The following USB1 variants were observed in gnomAD, a reference collection of about 807,000 sequenced individuals.
USB1 encodes U6 snRNA phosphodiesterase 1.
USB1 carries 21 observed loss-of-function variants against 29.9 expected under a neutral mutation model. The observed-to-expected ratio is 0.70, with a 90% CI of 0.50 to 1.01. The LOEUF is 1.01. USB1 is among the 50% of genes least tolerant of loss of function. The pLI, the probability that USB1 is intolerant of heterozygous loss-of-function variation, is 0.00. For missense variants in USB1, 330 were observed against 347.1 expected, an observed-to-expected ratio of 0.95 and a Z score of 0.39; for synonymous variants, 143 against 134.9, an observed-to-expected ratio of 1.06 and a Z score of -0.42.
chr16:58,010,904 A>G, intron 3 of USB1: 1 of 680,032 alleles, frequency 1.5e-6, no homozygotes, highest in Non-Finnish European at 2.7e-6. Context: ...GCTTCATCAC[A>G]TAGGCATGAT....
chr16:58,010,908 G>C (rs1597050105), intron 3 of USB1: 1 of 687,546 alleles, frequency 1.5e-6, no homozygotes, highest in East Asian at 2.7e-5. Flanking sequence ...CATCACATAG[G>C]CATGATGGAT....
At chr16:58,014,445 T>A in intron 4 of USB1, 119 bp downstream of exon 4, 1 of 857,298 alleles carries the variant, frequency 1.2e-6, no homozygotes, top group Non-Finnish European at 1.9e-6. Flanking sequence ...ACTCTATGAC[T>A]ATAAAGGCAG....
chr16:58,012,023 C>A lies in USB1; in HGVS notation c.449+1911C>A. On this transcript the variant is annotated intron_variant, in intron 3 of 6. Coordinates refer to ENST00000219281, the MANE Select transcript of USB1 (RefSeq NM_024598.4). Reference sequence around the variant, plus strand: ...TTCAAATGAGGTGTTGCACAAAAGCCTGATGTGTGGCTGTGTAAAACAGAA... The same window carrying A: ...TTCAAATGAGGTGTTGCACAAAAGCATGATGTGTGGCTGTGTAAAACAGAA... 2.5e-6 allele frequency: 3 copies of A among 1,198,726 alleles called. No homozygotes were observed. The South Asian group carries it at 1.0e-4, about 41-fold the overall frequency. 74.3% of individuals were successfully genotyped at this position (1,198,726 alleles called of 1,614,324 possible).
At chr16:58,011,934 A>T (rs1487322685) in intron 3 of USB1, 6 of 1,038,952 alleles carry the variant, frequency 5.8e-6, no homozygotes, top group Non-Finnish European at 6.9e-6. Flanking sequence ...TTGATACTAG[A>T]AGGAGCCTAA....
Position 58,010,905 on chromosome 16 carries a change from T to A in USB1, c.449+793T>A, listed in dbSNP as rs543560525. 1.2e-4 allele frequency: 84 copies of A among 680,176 alleles called. 3 individuals are homozygous for A. In the South Asian group the frequency reaches 1.3e-3, roughly 10 times the overall value. The allele number at this position is 680,176 out of a possible 1,614,324, so 42.1% of individuals were successfully genotyped here. A position where few individuals can be genotyped will look rare whatever the true frequency, so the allele number is the denominator to read the frequency against. Reference sequence around the variant, plus strand: ...AAATTTTTACGGAGGCTTCATCACATAGGCATGATGGATTATTAACTCAGT... The same window carrying A: ...AAATTTTTACGGAGGCTTCATCACAAAGGCATGATGGATTATTAACTCAGT... On this transcript the variant is annotated intron_variant, in intron 3 of 6. Coordinates refer to ENST00000219281, the MANE Select transcript of USB1 (RefSeq NM_024598.4).
At chr16:58,002,271 C>A (rs962982609) in intron 1 of USB1, among the ~76,000 whole-genome samples, 1 of 152,088 alleles carries the variant, frequency 6.6e-6, no homozygotes, top group Non-Finnish European at 1.5e-5. Flanking sequence ...CTGTTGTTTC[C>A]CATGGGGACC....
intron 3 of USB1, chr16:58,012,892 ACT>A: frequency 1.0e-6 from 1 of 986,402 alleles, no homozygotes; most frequent in Non-Finnish European, 1.2e-6. Flanking sequence ...ACTTAGGAAA[ACT>A]CTGCCTAAAG....
rs1442075150 is a variant in USB1 at position 58,020,284 on chromosome 16, C to G, written c.*39C>G. The G allele has an allele frequency of 1.1e-5, 17 of 1,597,042 alleles. 1 individual carries two copies. The South Asian group carries it at 1.9e-4, about 18-fold the overall frequency. On this transcript the variant is annotated 3_prime_UTR_variant, in exon 7 of 7. Coordinates refer to ENST00000219281, the MANE Select transcript of USB1 (RefSeq NM_024598.4). ...TCCTCCTCCAGGGCCCTCTGCAGAC[C>G]AGGCTGAGATGGAGGAACCTGCTAA...
At position 58,014,327 on chromosome 16, in the gene USB1, G is replaced by A; in HGVS notation, c.503+1G>A. The A allele has an allele frequency of 6.2e-7, 1 of 1,613,320 alleles. No homozygotes were observed. The highest frequency in any genetic ancestry group is 8.5e-7 in the Non-Finnish European group (1 of 1,179,370). ...TTTACACCAATCAAGAGAAAACCAG[G>A]TGGGTCCTCCCAACCCCCAATCACC... On this transcript the variant is annotated splice_donor_variant, in intron 4 of 6. Coordinates refer to ENST00000219281, the MANE Select transcript of USB1 (RefSeq NM_024598.4). LOFTEE classifies it high-confidence loss of function.
At chr16:58,010,231 C>CAGGAGAGGGGCCG in intron 3 of USB1, 119 bp downstream of exon 3, 1 of 1,260,972 alleles carries the variant, frequency 7.9e-7, no homozygotes, top group Non-Finnish European at 1.1e-6. Flanking sequence ...AACACGGCCC[C>CAGGAGAGGGGCCG]TCTCCTGGGG....
Position 58,017,337 on chromosome 16 carries a change from C to G in USB1, c.507C>G (p.Thr169=), listed in dbSNP as rs981422316. 6.2e-7 allele frequency: 1 copy of G among 1,614,106 alleles called. No individual in the cohort carries two copies. Among genetic ancestry groups the G allele is most frequent in the Non-Finnish European group, 8.5e-7 (1 of 1,179,970 alleles). Residue 169 remains threonine (T), a synonymous_variant, in exon 5 of 7, where the codon ACC becomes ACG. Coordinates refer to ENST00000219281, the MANE Select transcript of USB1 (RefSeq NM_024598.4). ...KIYTNQEKTR[T]FIGLEVTSGH... The stretch of plus-strand genomic sequence containing the variant: ...TGCGTTGTCTTCCTCTCCCCAGGAC[C>G]TTTATTGGGCTTGAGGTCACTTCAG...
chr16:58,001,298 A>C (rs1272277022), upstream of USB1: 1 of 701,848 alleles, frequency 1.4e-6, no homozygotes, highest in East Asian at 2.7e-5. Context: ...CGCAGCCGGC[A>C]GACAGCTTGG....
At position 58,013,637 on chromosome 16, in the gene USB1, A is replaced by G. The variant is rs2142307842; in HGVS notation, c.450-636A>G. 2.0e-6 allele frequency: 2 copies of G among 986,198 alleles called. No homozygotes were observed. The highest frequency in any genetic ancestry group is 4.7e-5 in the South Asian group (1 of 21,360). 61.1% of individuals were successfully genotyped at this position (986,198 alleles called of 1,614,324 possible). ...GTGGGGGCATCTGTCTCGATTTCAC[A>G]CCAACAGACCTATTCCCCTCACGAA... On this transcript the variant is annotated intron_variant, in intron 3 of 6. Transcript: ENST00000219281. The surrounding 1 kb of genome is among the most constrained non-coding windows in gnomAD (Gnocchi z 4.3).
upstream of USB1, among the ~76,000 whole-genome samples, chr16:58,000,841 C>T (rs1441789167): frequency 6.6e-6 from 1 of 152,044 alleles, no homozygotes; most frequent in Non-Finnish European, 1.5e-5. The surrounding 1 kb of genome is among the most constrained non-coding windows in gnomAD (Gnocchi z 4.5). Context: ...GGGCGGTTTT[C>T]GAGTCGCCAG....
chr16:58,017,305 T>G, intron 4 of USB1, 29 bp from the exon 5 acceptor site: 2 of 1,595,008 alleles, frequency 1.3e-6, no homozygotes, highest in Non-Finnish European at 1.7e-6. Context: ...AGGCTACATC[T>G]CATGCCTGCG....
chr16:58,005,430 A>G (rs1204137365), intron 2 of USB1, among the ~76,000 whole-genome samples: 4 of 152,174 alleles, frequency 2.6e-5, no homozygotes, highest in Non-Finnish European at 5.9e-5. Context: ...TGCTAGACCA[A>G]GGAGCCCTCT....
chr16:58,003,039 CAG>C (rs1388325859), intron 2 of USB1, among the ~76,000 whole-genome samples: 1 of 152,172 alleles, frequency 6.6e-6, no homozygotes, highest in Admixed American at 6.5e-5. Context: ...GCCCAGGCTT[CAG>C]AGTCAGACCT....
At chr16:58,001,237 GGGGA>G, upstream of USB1, 1 of 603,618 alleles carries the variant, frequency 1.7e-6, no homozygotes, top group South Asian at 1.9e-5. Context: ...CACGAAGGCT[GGGGA>G]GGTCCCAGCG....
chr16:58,009,210 C>G (rs1012051260), intron 2 of USB1, among the ~76,000 whole-genome samples: 3 of 152,140 alleles, frequency 2.0e-5, no homozygotes, highest in Non-Finnish European at 4.4e-5. Context: ...CTTCTGTAGT[C>G]CTGTGATTGG....
Sources: gnomAD v4.1 joint callset for allele counts (sites outside exome capture counted in the v4.1 genomes callset) on GRCh38, gnomAD v4.1.1 for gene constraint, Gnocchi (gnomAD v3.1) non-coding constraint, MANE v1.5 for transcripts, NCBI Gene and HGNC (gene_info 2026-07-23, HGNC 2026-07-21) for gene names.